The following SIPA1L3 variants were observed in gnomAD, a reference collection of about 807,000 sequenced individuals.
SIPA1L3 encodes signal induced proliferation associated 1 like 3.
A neutral mutation model predicts 150.1 loss-of-function variants in SIPA1L3; 59 were observed. That is an observed-to-expected ratio of 0.39 (90% CI 0.32 to 0.49). SIPA1L3 has a LOEUF of 0.49. Ranked by LOEUF, SIPA1L3 falls within the 20% of genes least tolerant of loss-of-function variation. SIPA1L3 has a pLI of 0.86. For synonymous variants in SIPA1L3, 1,070 were observed against 1,077.6 expected (o/e 0.99, Z 0.14); for missense variants, 2,211 against 2,489.5 (o/e 0.89, Z 2.38).
At position 38,099,947 on chromosome 19, in the gene SIPA1L3, C is replaced by T. The variant is rs1337472496; in HGVS notation, c.1666-15C>T. On this transcript the variant is annotated splice_polypyrimidine_tract_variant and intron_variant, in intron 4 of 21. Coordinates refer to ENST00000222345, the MANE Select transcript of SIPA1L3 (RefSeq NM_015073.3). ...CTCGAGAGCCCCCTAACCTTCCCTT[C>T]TCTCCCTTGAGTAGCTCATCACCCT... 3 of 1,577,176 alleles carry T rather than the reference C, an allele frequency of 1.9e-6. No homozygotes were observed. The highest frequency in any genetic ancestry group is 2.8e-5 in the African/African-American group (2 of 72,494).
chr19:38,101,282 G>A (rs995060192), intron 6 of SIPA1L3, 56 bp downstream of exon 6: 3 of 1,316,744 alleles, frequency 2.3e-6, no homozygotes, highest in Non-Finnish European at 3.0e-6. Context: ...CTACTCAACA[G>A]GCAAAGCTTA....
chr19:38,069,901 C>G (rs891869069), intron 2 of SIPA1L3, among the ~76,000 whole-genome samples: 2 of 150,540 alleles, frequency 1.3e-5, no homozygotes, highest in African/African-American at 4.9e-5. Flanking sequence ...GTCTTGAACT[C>G]CTGACCTCAA....
chr19:38,085,857 G>A (rs960039876), intron 3 of SIPA1L3, among the ~76,000 whole-genome samples: 2 of 152,184 alleles, frequency 1.3e-5, no homozygotes, highest in East Asian at 1.9e-4. Flanking sequence ...TTAGCTGGGC[G>A]TGGTGGCGGG....
At chr19:38,059,190 T>TG (rs1969394827) in intron 2 of SIPA1L3, among the ~76,000 whole-genome samples, 1 of 149,852 alleles carries the variant, frequency 6.7e-6, no homozygotes, top group African/African-American at 2.5e-5. Flanking sequence ...TTGGTAGAGA[T>TG]GGGGTCTCAC....
At chr19:38,148,445 T>C (rs1971747671) in intron 12 of SIPA1L3, among the ~76,000 whole-genome samples, 1 of 151,790 alleles carries the variant, frequency 6.6e-6, no homozygotes, top group Admixed American at 6.6e-5. Context: ...CTGTGTTAAC[T>C]GTGAGGATTT....
intron 1 of SIPA1L3, among the ~76,000 whole-genome samples, chr19:37,939,399 C>CAAAAA (rs753230257): frequency 1.4e-5 from 1 of 69,198 alleles, no homozygotes; most frequent in Non-Finnish European, 2.7e-5. Flanking sequence ...GACTCCATGT[C>CAAAAA]AAAAAAAAAA....
At chr19:38,144,959 A>G (rs1050977087) in intron 12 of SIPA1L3, among the ~76,000 whole-genome samples, 11 of 152,300 alleles carry the variant, frequency 7.2e-5, no homozygotes, top group Middle Eastern at 3.4e-3. Context: ...GGCCACAGAT[A>G]TGAACAAGCA....
At chr19:38,193,894 C>A in intron 18 of SIPA1L3, 114 bp downstream of exon 18, 2 of 1,207,990 alleles carry the variant, frequency 1.7e-6, no homozygotes, top group Non-Finnish European at 2.2e-6. Context: ...AGTGTCGGGG[C>A]CATCTCAGGG....
chr19:38,000,892 T>A (rs1283380088), intron 1 of SIPA1L3, among the ~76,000 whole-genome samples: 1 of 137,828 alleles, frequency 7.3e-6, no homozygotes, highest in African/African-American at 2.9e-5. Flanking sequence ...TATATATATA[T>A]GTTATATATA....
At chr19:37,959,851 T>G (rs1159976705) in intron 1 of SIPA1L3, among the ~76,000 whole-genome samples, 1 of 149,996 alleles carries the variant, frequency 6.7e-6, no homozygotes, top group African/African-American at 2.5e-5. Flanking sequence ...TCTCTAGGGA[T>G]CACAGCATGC....
intron 19 of SIPA1L3, 150 bp downstream of exon 19, chr19:38,198,682 C>A: frequency 1.3e-6 from 1 of 790,334 alleles, no homozygotes; most frequent in Non-Finnish European, 1.7e-6. Flanking sequence ...ACTTGCTTAC[C>A]ATGCAGCCCC....
At chr19:37,992,725 T>C (rs1967541286) in intron 1 of SIPA1L3, among the ~76,000 whole-genome samples, 1 of 152,070 alleles carries the variant, frequency 6.6e-6, no homozygotes, top group Non-Finnish European at 1.5e-5. Context: ...CCCTTTGGCC[T>C]TGAAAAGTGG....
At chr19:37,934,770 A>G (rs1002189175) in intron 1 of SIPA1L3, among the ~76,000 whole-genome samples, 2 of 150,298 alleles carry the variant, frequency 1.3e-5, no homozygotes, top group African/African-American at 4.9e-5. Context: ...CCATGGTTAT[A>G]TAATCCTATA....
rs999881236 is a variant in SIPA1L3, at chr19:38,088,718, T to C, written c.1535-3T>C. The C allele has an allele frequency of 2.5e-6, 4 of 1,613,064 alleles. No homozygotes were observed. The highest frequency in any genetic ancestry group is 1.3e-5 in the African/African-American group (1 of 74,878). The stretch of plus-strand genomic sequence containing the variant: ...CCTGAACTCGCCTGCTCTTCCTTCT[T>C]AGAACATGCCAATTACTTCGGCGTG... On this transcript the variant is annotated splice_region_variant and splice_polypyrimidine_tract_variant and intron_variant, in intron 3 of 21. Transcript: ENST00000222345.
chr19:38,114,989 C>G lies in SIPA1L3; in HGVS notation c.2292-4317C>G, dbSNP rs367817295. On this transcript the variant is annotated intron_variant, in intron 8 of 21. Coordinates refer to ENST00000222345, the MANE Select transcript of SIPA1L3 (RefSeq NM_015073.3). ...TGCCAGCACCTGCCTCTGTTGGGAA[C>G]CCAGCGAGAAGCAGATCTCCCTCAA... Among the ~76,000 whole-genome samples, 36 of 152,350 alleles carry G rather than the reference C, an allele frequency of 2.4e-4. No individual in the cohort carries two copies. The East Asian group carries it at 5.4e-3, about 23-fold the overall frequency.
intron 1 of SIPA1L3, among the ~76,000 whole-genome samples, chr19:37,917,997 C>A (rs1471372400): frequency 6.6e-6 from 1 of 151,446 alleles, no homozygotes; most frequent in Non-Finnish European, 1.5e-5. Context: ...GGAGAAAGAC[C>A]CTGTCTCAAA....
At chr19:38,025,538 A>G (rs1025808831) in intron 1 of SIPA1L3, among the ~76,000 whole-genome samples, 5 of 152,212 alleles carry the variant, frequency 3.3e-5, no homozygotes, top group African/African-American at 1.2e-4. Context: ...GTCGGCAGGA[A>G]GTAGGTTCCT....
At chr19:38,020,205 C>G (rs1382532583) in intron 1 of SIPA1L3, among the ~76,000 whole-genome samples, 1 of 152,126 alleles carries the variant, frequency 6.6e-6, no homozygotes, top group Non-Finnish European at 1.5e-5. Flanking sequence ...TTTACTTAAT[C>G]CTCACAACAC....
chr19:37,947,640 C>T (rs1358026432), intron 1 of SIPA1L3, among the ~76,000 whole-genome samples: 1 of 152,120 alleles, frequency 6.6e-6, no homozygotes, highest in Non-Finnish European at 1.5e-5. Context: ...TTCTAGTCTC[C>T]TGCCGTAACT....
Sources: allele counts gnomAD v4.1 joint callset (sites outside exome capture counted in the v4.1 genomes callset), GRCh38; gene constraint gnomAD v4.1.1; transcripts MANE v1.5; gene names NCBI Gene and HGNC (gene_info 2026-07-23, HGNC 2026-07-21).